Variants in SLCO1B3 observed in about 807,000 individuals in gnomAD.
The protein encoded by SLCO1B3 is solute carrier organic anion transporter family member 1B3.
A neutral mutation model predicts 71.8 loss-of-function variants in SLCO1B3; 72 were observed. The observed-to-expected ratio is 1.00, with a 90% CI of 0.83 to 1.22. The LOEUF is 1.22. SLCO1B3 is among the 50% of genes most tolerant of loss of function. The pLI, the probability that SLCO1B3 is intolerant of heterozygous loss-of-function variation, is 0.00. For synonymous variants in SLCO1B3, 298 were observed against 278.4 expected (o/e 1.07, Z -0.70); for missense variants, 911 against 819.7 (o/e 1.11, Z -1.36).
At chr12:20,872,239 G>A (rs1865489063) in intron 8 of SLCO1B3, among the ~76,000 whole-genome samples, 1 of 151,794 alleles carries the variant, frequency 6.6e-6, no homozygotes, top group Non-Finnish European at 1.5e-5. Flanking sequence ...TCTTCAGTCA[G>A]TTTATTATGA....
intron 15 of SLCO1B3, among the ~76,000 whole-genome samples, chr12:20,913,319 G>A (rs1240399611): frequency 1.3e-5 from 2 of 152,058 alleles, no homozygotes; most frequent in African/African-American, 4.8e-5. Context: ...ATTATCTATG[G>A]TGAAATTGGT....
intron 13 of SLCO1B3, among the ~76,000 whole-genome samples, chr12:20,885,552 G>T (rs1301932371): frequency 3.0e-4 from 46 of 152,004 alleles, no homozygotes; most frequent in Non-Finnish European, 2.9e-5. Context: ...AAAAAGTGGG[G>T]ATAGGTAAGA....
chr12:20,831,837 T>C (rs1176117829), intron 3 of SLCO1B3, among the ~76,000 whole-genome samples: 1 of 152,202 alleles, frequency 6.6e-6, no homozygotes, highest in African/African-American at 2.4e-5. Context: ...GAAACAATAA[T>C]AGTGGCTAAC....
rs759960716 is a variant in SLCO1B3 at position 20,883,408 on chromosome 12, C to G, written c.1498-10C>G. 3 of 1,474,136 alleles carry G rather than the reference C, an allele frequency of 2.0e-6. No homozygotes were observed. Among genetic ancestry groups the G allele is most frequent in the East Asian group, 5.1e-5 (2 of 39,528 alleles). The allele number at this position is 1,474,136 out of a possible 1,614,324, so 91.3% of individuals were successfully genotyped here. A position where few individuals can be genotyped will look rare whatever the true frequency, so the allele number is the denominator to read the frequency against. On this transcript the variant is annotated splice_polypyrimidine_tract_variant and intron_variant, in intron 12 of 15. Coordinates refer to ENST00000381545, the MANE Select transcript of SLCO1B3 (RefSeq NM_019844.4). Reference sequence around the variant, plus strand: ...AATGTATTTGTTAATATTTCAAAAACTATTTTTAGGTGTTTTATAACTGTA... The same window carrying G: ...AATGTATTTGTTAATATTTCAAAAAGTATTTTTAGGTGTTTTATAACTGTA...
intron 1 of SLCO1B3, among the ~76,000 whole-genome samples, chr12:20,811,728 G>T (rs1864113171): frequency 6.6e-6 from 1 of 152,018 alleles, no homozygotes; most frequent in Non-Finnish European, 1.5e-5. Flanking sequence ...AACATATTGT[G>T]TCCTCAACAT....
intron 14 of SLCO1B3, among the ~76,000 whole-genome samples, chr12:20,900,304 C>A (rs188195495): frequency 1.3e-5 from 2 of 152,070 alleles, no homozygotes; most frequent in Non-Finnish European, 2.9e-5. Context: ...GTAAAACATT[C>A]ATGTATAAAT....
intron 3 of SLCO1B3, among the ~76,000 whole-genome samples, chr12:20,828,042 C>T (rs966106638): frequency 6.6e-6 from 1 of 151,998 alleles, no homozygotes; most frequent in East Asian, 1.9e-4. Context: ...TAGAAATCTA[C>T]CTTATGATTG....
chr12:20,875,742 G>A (rs1035308350), intron 9 of SLCO1B3, among the ~76,000 whole-genome samples: 2 of 152,052 alleles, frequency 1.3e-5, no homozygotes, highest in Non-Finnish European at 2.9e-5. Context: ...ATAAGCCAGA[G>A]TATATATTCA....
chr12:20,826,245 G>A (rs1322203094), intron 3 of SLCO1B3, among the ~76,000 whole-genome samples: 1 of 151,200 alleles, frequency 6.6e-6, no homozygotes, highest in African/African-American at 2.4e-5. Context: ...TTTTTATAAT[G>A]TCAGGCCACA....
At chr12:20,899,393 G>A (rs113401009) in intron 14 of SLCO1B3, among the ~76,000 whole-genome samples, 4 of 152,286 alleles carry the variant, frequency 2.6e-5, no homozygotes, top group African/African-American at 9.6e-5. Context: ...ACTGATGGCA[G>A]AAGGAAAAGG....
At chr12:20,889,425 C>T (rs559015476) in intron 13 of SLCO1B3, among the ~76,000 whole-genome samples, 7 of 152,026 alleles carry the variant, frequency 4.6e-5, no homozygotes, top group South Asian at 2.1e-4. Context: ...CTGGTTCAAA[C>T]GTGTGAGGTT....
intron 13 of SLCO1B3, among the ~76,000 whole-genome samples, chr12:20,891,578 C>T (rs974306772): frequency 6.6e-6 from 1 of 152,062 alleles, no homozygotes; most frequent in Non-Finnish European, 1.5e-5. Flanking sequence ...TGTAGTAAGT[C>T]AGGGAAGTTT....
At chr12:20,824,487 A>T (rs2121103890) in intron 3 of SLCO1B3, among the ~76,000 whole-genome samples, 1 of 152,300 alleles carries the variant, frequency 6.6e-6, no homozygotes, top group South Asian at 2.1e-4. Context: ...ATTAAAGTAA[A>T]ACAACAATTG....
intron 3 of SLCO1B3, among the ~76,000 whole-genome samples, chr12:20,829,256 T>G (rs560352255): frequency 6.6e-6 from 1 of 152,304 alleles, no homozygotes; most frequent in East Asian, 1.9e-4. Flanking sequence ...CTTTTAGTAA[T>G]TAAGGAGAAT....
chr12:20,840,843 G>C (rs571492398), intron 3 of SLCO1B3, among the ~76,000 whole-genome samples: 5 of 152,164 alleles, frequency 3.3e-5, no homozygotes, highest in Admixed American at 3.3e-4. Context: ...AGTTTTTCCT[G>C]AGGGCAAGTC....
At chr12:20,902,921 A>T (rs975638681) in intron 15 of SLCO1B3, among the ~76,000 whole-genome samples, 15 of 152,144 alleles carry the variant, frequency 9.9e-5, no homozygotes, top group African/African-American at 3.6e-4. Flanking sequence ...ATACAAAAAA[A>T]AATTAGCCAG....
intron 3 of SLCO1B3, among the ~76,000 whole-genome samples, chr12:20,844,609 C>T (rs1864871571): frequency 6.6e-6 from 1 of 151,968 alleles, no homozygotes. Flanking sequence ...TGATAACCCC[C>T]AAATCATTCA....
intron 14 of SLCO1B3, among the ~76,000 whole-genome samples, chr12:20,899,114 G>T (rs1214275183): frequency 6.6e-6 from 1 of 152,106 alleles, no homozygotes; most frequent in Non-Finnish European, 1.5e-5. Flanking sequence ...TGGTGGCAAG[G>T]GTAGGATTTT....
intron 13 of SLCO1B3, among the ~76,000 whole-genome samples, chr12:20,894,727 A>G (rs947307169): frequency 6.6e-6 from 1 of 152,192 alleles, no homozygotes; most frequent in African/African-American, 2.4e-5. Flanking sequence ...GAGAGTAATA[A>G]CTAAATAGAT....
Sources: gnomAD v4.1 joint callset for allele counts (sites outside exome capture counted in the v4.1 genomes callset) on GRCh38, gnomAD v4.1.1 for gene constraint, MANE v1.5 for transcripts, NCBI Gene and HGNC (gene_info 2026-07-23, HGNC 2026-07-21) for gene names.